The following PKHD1L1 variants were observed in gnomAD, a reference collection of about 807,000 sequenced individuals.
PKHD1L1 encodes fibrocystin-L.
In PKHD1L1, 434 loss-of-function variants were observed where a neutral mutation model predicts 462.9. The ratio of observed to expected loss-of-function variants is 0.94; its 90% CI spans 0.87 to 1.02. PKHD1L1 has a LOEUF of 1.02. Among genes scored for constraint, PKHD1L1 ranks in the 50% least tolerant of loss-of-function variants. PKHD1L1 has a pLI of 0.00. For missense variants in PKHD1L1, 5,202 were observed against 5,096.1 expected (o/e 1.02, Z -0.63); for synonymous variants, 1,781 against 1,750.0 (o/e 1.02, Z -0.44).
At chr8:109,396,189 C>A in intron 11 of PKHD1L1, 52 bp downstream of exon 11, 1 of 1,250,450 alleles carries the variant, frequency 8.0e-7, no homozygotes, top group Non-Finnish European at 1.1e-6. Flanking sequence ...ATTCTGCCTG[C>A]TCTTTAATAA....
At chr8:109,513,260 T>A (rs974511761) in intron 71 of PKHD1L1, among the ~76,000 whole-genome samples, 1 of 152,038 alleles carries the variant, frequency 6.6e-6, no homozygotes, top group South Asian at 2.1e-4. Flanking sequence ...AGAGAGGGCA[T>A]CCCTGTCTTG....
At position 109,461,856 on chromosome 8, in the gene PKHD1L1, A is replaced by C. The variant is rs1339511664; in HGVS notation, c.7331A>C (p.His2444Pro). Reference sequence around the variant, plus strand: ...CAATTTGGAGGCTGCGTTATGTTTCATGCTCCTGTACCTGGTGCTAACATG... The same window carrying C: ...CAATTTGGAGGCTGCGTTATGTTTCCTGCTCCTGTACCTGGTGCTAACATG... ...SDQFGGCVMFHAPVPGANMVT... is the reference protein window; with the variant it reads ...SDQFGGCVMFPAPVPGANMVT... Residue 2444 changes from histidine (H) to proline (P), a missense_variant, in exon 48 of 78, where the codon CAT becomes CCT. By Grantham distance (77) the His-to-Pro change is moderately conservative. Coordinates refer to ENST00000378402, the MANE Select transcript of PKHD1L1 (RefSeq NM_177531.6). The C allele has an allele frequency of 6.2e-7, 1 of 1,605,944 alleles. No homozygotes were observed. The highest frequency in any genetic ancestry group is 8.5e-7 in the Non-Finnish European group (1 of 1,175,900).
chr8:109,464,139 G>C, intron 48 of PKHD1L1, 77 bp from the exon 49 acceptor site: 1 of 955,272 alleles, frequency 1.0e-6, no homozygotes, highest in Non-Finnish European at 1.4e-6. Context: ...TATAAAATTA[G>C]ATATTTTTTG....
At chr8:109,408,000 G>A in intron 17 of PKHD1L1, 49 bp from the exon 18 acceptor site, 3 of 1,340,112 alleles carry the variant, frequency 2.2e-6, no homozygotes, top group Non-Finnish European at 3.0e-6. Flanking sequence ...TTATATATAG[G>A]CATTTTATTA....
At chr8:109,458,068 T>G (rs2607639) in intron 46 of PKHD1L1, among the ~76,000 whole-genome samples, 76,168 of 151,872 alleles carry the variant, frequency 0.5, 19,345 homozygotes, top group South Asian at 0.65. Flanking sequence ...GCATCTTTCT[T>G]TTTTTAATCC....
chr8:109,479,482 T>C, intron 53 of PKHD1L1, 69 bp from the exon 54 acceptor site: 1 of 1,076,808 alleles, frequency 9.3e-7, no homozygotes, highest in Non-Finnish European at 1.4e-6. Context: ...TGGAACGGTT[T>C]ACATTTTAGA....
In PKHD1L1 at chr8:109,496,916, A is replaced by G; in HGVS notation, c.10328-3A>G. The G allele has an allele frequency of 6.2e-7, 1 of 1,609,198 alleles. No individual in the cohort carries two copies. On this transcript the variant is annotated splice_region_variant and splice_polypyrimidine_tract_variant and intron_variant, in intron 63 of 77. Coordinates refer to ENST00000378402, the MANE Select transcript of PKHD1L1 (RefSeq NM_177531.6). ...ATTCTCTGGTTCTATATTTCCCTCC[A>G]AGGCCAGTTTAATCCTGTGGAAAAG...
chr8:109,518,386 G>C lies in PKHD1L1; in HGVS notation c.11909G>C (p.Ser3970Thr). 6.2e-7 allele frequency: 1 copy of C among 1,613,278 alleles called. No individual in the cohort carries two copies. Among genetic ancestry groups the C allele is most frequent in the Non-Finnish European group, 8.5e-7 (1 of 1,179,534 alleles). ...CTTGCCTTGTTCCTAAAGATACCAAGTGACAAAATCCGTATCAGCAAAATA... is the reference window on the plus strand; with the variant it reads ...CTTGCCTTGTTCCTAAAGATACCAACTGACAAAATCCGTATCAGCAAAATA... The part of the protein sequence containing the change: ...KNLALFLKIP[S>T]DKIRISKIRG... Residue 3970 changes from serine (S) to threonine (T), a missense_variant, in exon 73 of 78, where the codon AGT (serine) becomes ACT (threonine). Transcript: ENST00000378402.
At chr8:109,381,278 C>A in intron 2 of PKHD1L1, 92 bp from the exon 3 acceptor site, 5 of 1,054,826 alleles carry the variant, frequency 4.7e-6, no homozygotes, top group South Asian at 4.4e-5. Context: ...TTTATGAAAT[C>A]ATTTACTGCA....
At chr8:109,503,224 G>C (rs932297942) in intron 67 of PKHD1L1, among the ~76,000 whole-genome samples, 7 of 150,578 alleles carry the variant, frequency 4.6e-5, no homozygotes, top group African/African-American at 1.7e-4. Flanking sequence ...AGAATTGCTT[G>C]AACCCAGGAG....
At position 109,425,238 on chromosome 8, in the gene PKHD1L1, T is replaced by A. The variant is rs749116722; in HGVS notation, c.2845+6T>A. ...TTATGGACATATTCTTAAAGGTATA[T>A]GAAAAAAATTTAAAATATTGGTGTA... On this transcript the variant is annotated splice_donor_region_variant and intron_variant, in intron 24 of 77. Transcript: ENST00000378402. The A allele has an allele frequency of 6.4e-7, 1 of 1,565,702 alleles. No homozygotes were observed. The highest frequency in any genetic ancestry group is 1.4e-5 in the African/African-American group (1 of 72,222).
intron 21 of PKHD1L1, 29 bp from the exon 22 acceptor site, chr8:109,419,068 A>G: frequency 6.3e-7 from 1 of 1,590,832 alleles, no homozygotes; most frequent in East Asian, 2.2e-5. Context: ...CCACTGATCT[A>G]TACAACAAAT....
rs761510130 is a variant in PKHD1L1, at chr8:109,429,924, A to G, written c.3124-8A>G. On this transcript the variant is annotated splice_polypyrimidine_tract_variant and splice_region_variant and intron_variant, in intron 26 of 77. Transcript: ENST00000378402. ...ATGTTCTGTAGCTTCTTGTTTCTTT[A>G]CTTGAAGGTTGAAGTCTATGTCAAT... The G allele has an allele frequency of 5.0e-6, 8 of 1,592,638 alleles. No homozygotes were observed. Among genetic ancestry groups the G allele is most frequent in the Middle Eastern group, 1.7e-4 (1 of 6,012 alleles).
chr8:109,441,531 C>T (rs1306168652), intron 34 of PKHD1L1, among the ~76,000 whole-genome samples, 152 bp downstream of exon 34: 1 of 151,806 alleles, frequency 6.6e-6, no homozygotes, highest in East Asian at 1.9e-4. Context: ...CATAGAGGGT[C>T]ACATATAGAG....
At chr8:109,512,790 A>G (rs924380408) in intron 71 of PKHD1L1, among the ~76,000 whole-genome samples, 1 of 151,762 alleles carries the variant, frequency 6.6e-6, no homozygotes, top group African/African-American at 2.4e-5. Flanking sequence ...CTTGGGCAGT[A>G]TGGCCATTTT....
chr8:109,440,651 GT>G (rs1815725679), intron 32 of PKHD1L1, 58 bp from the exon 33 acceptor site: 2 of 1,506,388 alleles, frequency 1.3e-6, no homozygotes, highest in Admixed American at 1.7e-5. Context: ...CCTAGCAAGA[GT>G]TTAGCAAGAT....
chr8:109,468,041 C>T (rs533715259), intron 50 of PKHD1L1, among the ~76,000 whole-genome samples: 1 of 152,182 alleles, frequency 6.6e-6, no homozygotes, highest in South Asian at 2.1e-4. Context: ...TGTTGAATTT[C>T]CCCCATTTAA....
chr8:109,489,171 T>C (rs1275208260), intron 59 of PKHD1L1, among the ~76,000 whole-genome samples: 1 of 152,018 alleles, frequency 6.6e-6, no homozygotes, highest in Non-Finnish European at 1.5e-5. Flanking sequence ...TCCTTTCTAG[T>C]ACAAAATAAC....
At position 109,522,254 on chromosome 8, in the gene PKHD1L1, A is replaced by T. The variant is rs1292335883; in HGVS notation, c.12100A>T (p.Ile4034Phe). 1.4e-5 allele frequency: 22 copies of T among 1,602,922 alleles called. No homozygotes were observed. Among genetic ancestry groups the T allele is most frequent in the Non-Finnish European group, 1.8e-5 (21 of 1,170,620 alleles). Reference sequence around the variant, plus strand: ...TGGACAAGCTGTAATTTTAGGAAACATCAGTAGTATCCTTGGATTTAACAT... The same window carrying T: ...TGGACAAGCTGTAATTTTAGGAAACTTCAGTAGTATCCTTGGATTTAACAT... ...SLGQAVILGN[I>F]SSILGFNISS... The change falls in exon 74 of 78, where the codon ATC becomes TTC. Residue 4034 changes from isoleucine to phenylalanine, a missense_variant. Ile to Phe is a conservative substitution (Grantham distance 21). Around this residue, in one of 3 missense-constraint regions of PKHD1L1, gnomAD observed 698 missense variants for 736.3 expected, o/e 0.95. Coordinates refer to ENST00000378402, the MANE Select transcript of PKHD1L1 (RefSeq NM_177531.6).
Sources: gnomAD v4.1 joint callset for allele counts (sites outside exome capture counted in the v4.1 genomes callset) on GRCh38, gnomAD v4.1.1 for gene constraint, gnomAD v4.1.1 regional missense constraint, MANE v1.5 for transcripts, NCBI Gene and HGNC (gene_info 2026-07-23, HGNC 2026-07-21) for gene names.